The following FHIT variants were observed in gnomAD, a reference collection of about 807,000 sequenced individuals.
FHIT encodes the protein bis(5'-adenosyl)-triphosphatase.
FHIT carries 19 observed loss-of-function variants against 17.9 expected under a neutral mutation model. The ratio of observed to expected loss-of-function variants is 1.06; its 90% CI spans 0.74 to 1.56. The LOEUF is 1.56. FHIT is among the 40% of genes most tolerant of loss of function. The pLI is 0.00. For missense variants in FHIT, 248 were observed against 189.2 expected (o/e 1.31, Z -1.82); for synonymous variants, 81 against 69.7 (o/e 1.16, Z -0.81).
At chr3:59,848,059 C>T (rs1274086946) in intron 8 of FHIT, among the ~76,000 whole-genome samples, 2 of 152,108 alleles carry the variant, frequency 1.3e-5, no homozygotes, top group African/African-American at 2.4e-5. Flanking sequence ...TGATTGAAAA[C>T]GGCAATCAGT....
chr3:60,018,242 T>G (rs777049877), intron 5 of FHIT, among the ~76,000 whole-genome samples: 22 of 152,142 alleles, frequency 1.4e-4, no homozygotes, highest in Admixed American at 3.9e-4. Context: ...CCAGCTCTTC[T>G]GGGAACTAAT....
chr3:60,768,300 A>G lies in FHIT; in HGVS notation c.-18+53619T>C, dbSNP rs539187394. Among the ~76,000 whole-genome samples the G allele has an allele frequency of 1.3e-4, 20 of 152,332 alleles. 1 individual carries two copies. The South Asian group carries it at 4.1e-3, about 32-fold the overall frequency. ...GGAAGACTGAAAGGGAAGGGAACAA[A>G]TACACAGTAAGGCTTCTCAAACTTT... On this transcript the variant is annotated intron_variant, in intron 4 of 9. Coordinates refer to ENST00000492590, the MANE Select transcript of FHIT (RefSeq NM_002012.4).
At chr3:59,873,734 G>T (rs515208) in intron 8 of FHIT, among the ~76,000 whole-genome samples, 2 of 152,096 alleles carry the variant, frequency 1.3e-5, no homozygotes, top group Admixed American at 6.5e-5. Flanking sequence ...GAGAAGAGTC[G>T]AAAAGAACCC....
intron 3 of FHIT, among the ~76,000 whole-genome samples, chr3:60,950,254 CAA>C (rs202107056): frequency 6.6e-6 from 1 of 151,842 alleles, no homozygotes; most frequent in Non-Finnish European, 1.5e-5. Flanking sequence ...TATTTAATAA[CAA>C]AAAAAGATTT....
At chr3:61,218,359 C>T (rs982064742) in intron 1 of FHIT, among the ~76,000 whole-genome samples, 3 of 152,068 alleles carry the variant, frequency 2.0e-5, no homozygotes, top group Admixed American at 1.3e-4. Context: ...GGAAGGTCAT[C>T]GAGGAACTCA....
intron 7 of FHIT, among the ~76,000 whole-genome samples, chr3:60,005,450 G>A (rs957877156): frequency 6.6e-6 from 1 of 152,056 alleles, no homozygotes; most frequent in South Asian, 2.1e-4. Context: ...AAATCACCAG[G>A]AGCGGGAGAG....
chr3:61,152,278 G>C (rs2037416508), intron 2 of FHIT, among the ~76,000 whole-genome samples: 1 of 152,162 alleles, frequency 6.6e-6, no homozygotes, highest in South Asian at 2.1e-4. Flanking sequence ...AGAGATAACA[G>C]AGCAGAGAGC....
chr3:59,800,381 G>A (rs868658028), intron 8 of FHIT, among the ~76,000 whole-genome samples: 9 of 152,080 alleles, frequency 5.9e-5, no homozygotes, highest in Admixed American at 1.3e-4. Flanking sequence ...CAAAGTCTTC[G>A]CCTCACACCT....
intron 3 of FHIT, among the ~76,000 whole-genome samples, chr3:60,909,912 G>C (rs975488485): frequency 6.6e-6 from 1 of 152,098 alleles, no homozygotes; most frequent in African/African-American, 2.4e-5. Flanking sequence ...AGGTTGGCTT[G>C]CTCCCTGAAA....
intron 3 of FHIT, among the ~76,000 whole-genome samples, chr3:60,952,179 C>A (rs113929331): frequency 0.42 from 43,242 of 102,486 alleles, 7,014 homozygotes; most frequent in Middle Eastern, 0.48. Flanking sequence ...ACCCCCCCCC[C>A]AAAAAAAAAA....
intron 8 of FHIT, among the ~76,000 whole-genome samples, chr3:59,831,387 A>G (rs575768691): frequency 3.9e-5 from 6 of 152,232 alleles, no homozygotes; most frequent in African/African-American, 1.4e-4. Flanking sequence ...TCCTCAGGGC[A>G]ACTATTGAGA....
intron 8 of FHIT, among the ~76,000 whole-genome samples, chr3:59,808,098 C>T (rs1265984613): frequency 2.0e-5 from 3 of 152,164 alleles, no homozygotes; most frequent in South Asian, 2.1e-4. Context: ...CCCCTACCCC[C>T]CCAGTCCCTG....
intron 4 of FHIT, among the ~76,000 whole-genome samples, chr3:60,588,556 G>T (rs2037980053): frequency 6.6e-6 from 1 of 152,006 alleles, no homozygotes. Flanking sequence ...CAGGCTGGGG[G>T]TCCCTGAGCC....
At chr3:60,021,709 G>A (rs1212080997) in intron 5 of FHIT, among the ~76,000 whole-genome samples, 1 of 152,104 alleles carries the variant, frequency 6.6e-6, no homozygotes, top group East Asian at 1.9e-4. Flanking sequence ...CATAACCAAG[G>A]TCACGTAGCT....
At chr3:59,892,342 G>A (rs1352602242) in intron 8 of FHIT, among the ~76,000 whole-genome samples, 1 of 152,166 alleles carries the variant, frequency 6.6e-6, no homozygotes, top group African/African-American at 2.4e-5. Context: ...CCTGCCTAAT[G>A]GCTTTCCATG....
chr3:60,260,096 A>G (rs1706215042), intron 5 of FHIT, among the ~76,000 whole-genome samples: 2 of 152,086 alleles, frequency 1.3e-5, no homozygotes, highest in African/African-American at 2.4e-5. Context: ...GCCAGTGAAC[A>G]CTCAGGTCTG....
chr3:60,234,933 T>C (rs1704690523), intron 5 of FHIT, among the ~76,000 whole-genome samples: 1 of 152,132 alleles, frequency 6.6e-6, no homozygotes, highest in South Asian at 2.1e-4. Flanking sequence ...CTGTAGTTAG[T>C]TAATATTTTT....
intron 4 of FHIT, among the ~76,000 whole-genome samples, chr3:60,741,845 G>A (rs1453624361): frequency 6.6e-6 from 1 of 152,174 alleles, no homozygotes; most frequent in Non-Finnish European, 1.5e-5. Context: ...TTTCAGTGTG[G>A]TATAATGTAT....
chr3:60,718,144 T>C (rs1333873758), intron 4 of FHIT, among the ~76,000 whole-genome samples: 2 of 152,180 alleles, frequency 1.3e-5, no homozygotes, highest in African/African-American at 4.8e-5. Flanking sequence ...TTACTAAACA[T>C]AGTCTGATTT....
Sources: gnomAD v4.1 joint callset for allele counts (sites outside exome capture counted in the v4.1 genomes callset) on GRCh38, gnomAD v4.1.1 for gene constraint, MANE v1.5 for transcripts, NCBI Gene and HGNC (gene_info 2026-07-23, HGNC 2026-07-21) for gene names.